Variants in GRIN3A observed in about 807,000 individuals in gnomAD.
GRIN3A encodes glutamate receptor ionotropic, NMDA 3A.
In GRIN3A, 47 loss-of-function variants were observed where a neutral mutation model predicts 92.4. The observed-to-expected ratio is 0.51, with a 90% CI of 0.40 to 0.65. GRIN3A has a LOEUF of 0.65. Ranked by LOEUF, GRIN3A falls within the 30% of genes least tolerant of loss-of-function variation. GRIN3A has a pLI of 0.00. For synonymous variants in GRIN3A, 527 were observed against 540.6 expected (o/e 0.97, Z 0.35); for missense variants, 1,324 against 1,393.1 (o/e 0.95, Z 0.79).
chr9:101,624,556 A>G (rs1588254614), intron 4 of GRIN3A, among the ~76,000 whole-genome samples: 1 of 152,224 alleles, frequency 6.6e-6, no homozygotes, highest in East Asian at 1.9e-4. Context: ...ACATGAACTC[A>G]TCATTTTTTA....
chr9:101,613,775 T>G (rs867371712), intron 5 of GRIN3A, among the ~76,000 whole-genome samples: 2 of 152,156 alleles, frequency 1.3e-5, no homozygotes, highest in Non-Finnish European at 2.9e-5. Flanking sequence ...AGTGAAAAAT[T>G]TTAAGATCTT....
chr9:101,723,309 C>T (rs1448552920), intron 1 of GRIN3A, among the ~76,000 whole-genome samples: 2 of 151,948 alleles, frequency 1.3e-5, no homozygotes. Flanking sequence ...AGTGAAGCTG[C>T]AGACCTTCGC....
chr9:101,602,253 C>T (rs1427909422), intron 6 of GRIN3A, among the ~76,000 whole-genome samples: 1 of 152,156 alleles, frequency 6.6e-6, no homozygotes, highest in Admixed American at 6.5e-5. Context: ...GGCAATTTCT[C>T]ACAATTTTAG....
chr9:101,586,757 C>T (rs1346868021), intron 6 of GRIN3A, among the ~76,000 whole-genome samples: 2 of 152,190 alleles, frequency 1.3e-5, no homozygotes, highest in Non-Finnish European at 2.9e-5. Context: ...CTACCAATCA[C>T]AGACTCCCTG....
chr9:101,606,906 ATTTTTTT>A (rs536780165), intron 6 of GRIN3A, among the ~76,000 whole-genome samples: 1,090 of 86,220 alleles, frequency 0.013, 9 homozygotes, highest in Non-Finnish European at 0.013. Flanking sequence ...AAAAAATTAC[ATTTTTTT>A]TTTTTTTTTT....
chr9:101,573,496 C>T lies in GRIN3A; in HGVS notation c.3026G>A (p.Arg1009His), dbSNP rs560128415. 5 of 1,613,702 alleles carry T rather than the reference C, an allele frequency of 3.1e-6. No homozygotes were observed. The highest frequency in any genetic ancestry group is 2.7e-5 in the African/African-American group (2 of 74,958). Residue 1009 changes from arginine to histidine, a missense_variant, in exon 9 of 9, where the codon CGT becomes CAT. By Grantham distance (29) the Arg-to-His change is conservative (BLOSUM62 0). Transcript: ENST00000361820. The stretch of plus-strand genomic sequence containing the variant: ...GGAAGTATTCCATACGGTAAGCTGA[C>T]GGGGTCCCACATTAGACCTAGGAAA... ...RVEKRSNVGP[R>H]QLTVWNTSNL... is the part of the protein sequence containing the mutation.
chr9:101,678,312 A>G (rs1414488874), intron 2 of GRIN3A, among the ~76,000 whole-genome samples: 1 of 152,268 alleles, frequency 6.6e-6, no homozygotes, highest in Non-Finnish European at 1.5e-5. Flanking sequence ...AACTTTCAAT[A>G]CATTTTCCTC....
chr9:101,615,858 T>C (rs746197682), intron 5 of GRIN3A, among the ~76,000 whole-genome samples: 14 of 152,142 alleles, frequency 9.2e-5, no homozygotes, highest in Non-Finnish European at 1.6e-4. Flanking sequence ...GAAAAACACA[T>C]TGATATTCGG....
chr9:101,678,530 C>A (rs928508367), intron 2 of GRIN3A, among the ~76,000 whole-genome samples: 1 of 152,040 alleles, frequency 6.6e-6, no homozygotes, highest in African/African-American at 2.4e-5. Flanking sequence ...TGGTCAACAG[C>A]AATTTAGTAA....
At chr9:101,637,372 C>T (rs1325500523) in intron 3 of GRIN3A, among the ~76,000 whole-genome samples, 1 of 152,128 alleles carries the variant, frequency 6.6e-6, no homozygotes, top group African/African-American at 2.4e-5. Flanking sequence ...GACATTTTAA[C>T]ATTTCTTTTT....
chr9:101,609,231 G>A (rs905161530), intron 6 of GRIN3A, among the ~76,000 whole-genome samples: 1 of 152,198 alleles, frequency 6.6e-6, no homozygotes, highest in Non-Finnish European at 1.5e-5. Flanking sequence ...TTTGGCCAAT[G>A]AAATATGAGG....
intron 5 of GRIN3A, among the ~76,000 whole-genome samples, chr9:101,619,541 A>G (rs560272546): frequency 6.6e-6 from 1 of 152,232 alleles, no homozygotes; most frequent in Non-Finnish European, 1.5e-5. Flanking sequence ...CAACAATTCT[A>G]TCATAAATTT....
rs528902553 is a variant in GRIN3A at position 101,707,623 on chromosome 9, T to C, written c.700-20423A>G. 2.0e-5 allele frequency among the ~76,000 whole-genome samples: 3 copies of C among 152,320 alleles called. No individual in the cohort carries two copies. The East Asian group carries it at 5.8e-4, about 29-fold the overall frequency. On this transcript the variant is annotated intron_variant, in intron 1 of 8. Coordinates refer to ENST00000361820, the MANE Select transcript of GRIN3A (RefSeq NM_133445.3). ...TATAGTTTAAGCAACATTGATTTTG[T>C]TTTGATTTAGCCTTTTATCATTGTT...
Position 101,579,296 on chromosome 9 carries a change from A to G in GRIN3A, c.2831T>C (p.Leu944Pro), listed in dbSNP as rs1411763228. Reference sequence around the variant, plus strand: ...CTCACCAATGGTGGTCAAAATGGACAGACCAAATCCAATGCACAGCAGCAC... The same window carrying G: ...CTCACCAATGGTGGTCAAAATGGACGGACCAAATCCAATGCACAGCAGCAC... Reference protein sequence around the residue: ...LFVLLCIGFGLSILTTIGEHI... With the variant: ...LFVLLCIGFGPSILTTIGEHI... The change falls in exon 7 of 9, where the codon CTG becomes CCG. Residue 944 changes from leucine to proline, a missense_variant. Coordinates refer to ENST00000361820, the MANE Select transcript of GRIN3A (RefSeq NM_133445.3). 1 of 1,613,944 alleles carries G rather than the reference A, an allele frequency of 6.2e-7. No individual in the cohort carries two copies. Among genetic ancestry groups the G allele is most frequent in the African/African-American group, 1.3e-5 (1 of 74,922 alleles).
chr9:101,620,280 G>A (rs906422862), intron 5 of GRIN3A, among the ~76,000 whole-genome samples: 1 of 152,166 alleles, frequency 6.6e-6, no homozygotes, highest in Admixed American at 6.5e-5. Context: ...ATGTAGCTAG[G>A]TCCTCACATG....
chr9:101,684,227 C>T (rs1307835721), intron 2 of GRIN3A, among the ~76,000 whole-genome samples: 1 of 151,506 alleles, frequency 6.6e-6, no homozygotes, highest in Non-Finnish European at 1.5e-5. Context: ...ATCAGCCTCC[C>T]ACGTAGCTGG....
intron 5 of GRIN3A, among the ~76,000 whole-genome samples, chr9:101,621,846 C>T: frequency 6.6e-6 from 1 of 152,158 alleles, no homozygotes; most frequent in South Asian, 2.1e-4. Context: ...CTCCTAATGG[C>T]AGAAGGGATC....
chr9:101,636,696 A>T (rs796404076), intron 3 of GRIN3A, among the ~76,000 whole-genome samples: 11 of 152,360 alleles, frequency 7.2e-5, no homozygotes, highest in African/African-American at 2.6e-4. Flanking sequence ...GCATTACTCA[A>T]ACCTAATGAT....
At position 101,587,789 on chromosome 9, in the gene GRIN3A, A is replaced by T. The variant is rs557686856; in HGVS notation, c.2767-8429T>A. Among the ~76,000 whole-genome samples the T allele has an allele frequency of 2.0e-5, 3 of 152,324 alleles. No homozygotes were observed. The South Asian group carries it at 6.2e-4, about 32-fold the overall frequency. On this transcript the variant is annotated intron_variant, in intron 6 of 8. Transcript: ENST00000361820. ...GCTGGTGGCAGGGGGAGAAATAATG[A>T]TTTTAATGAGAGGTAAGGAAAAGAA...
Sources: allele counts gnomAD v4.1 joint callset (sites outside exome capture counted in the v4.1 genomes callset), GRCh38; gene constraint gnomAD v4.1.1; transcripts MANE v1.5; gene names NCBI Gene and HGNC (gene_info 2026-07-23, HGNC 2026-07-21).